GPATCH2: variants seen among roughly 807,000 people sequenced by gnomAD.
GPATCH2 encodes G-patch domain containing 2, also known as G patch domain-containing protein 2.
Under a neutral mutation model 58.0 loss-of-function variants are expected in GPATCH2, and 51 were observed. That is an observed-to-expected ratio of 0.88 (90% CI 0.70 to 1.11). GPATCH2 has a LOEUF of 1.11. Ranked by LOEUF, GPATCH2 falls within the 50% of genes most tolerant of loss-of-function variation. GPATCH2 has a pLI of 0.00. For synonymous variants in GPATCH2, 222 were observed against 218.5 expected (o/e 1.02, Z -0.14); for missense variants, 625 against 652.2 (o/e 0.96, Z 0.45).
intron 8 of GPATCH2, among the ~76,000 whole-genome samples, chr1:217,468,764 C>T (rs944673838): frequency 6.6e-6 from 1 of 150,862 alleles, no homozygotes; most frequent in African/African-American, 2.4e-5. Flanking sequence ...TTTTAAGAAG[C>T]TGTTACCTTT....
intron 7 of GPATCH2, chr1:217,492,582 T>C (rs947082095): frequency 2.0e-5 from 3 of 152,160 alleles, no homozygotes; most frequent in African/African-American, 7.2e-5. Context: ...TGGGTTCTAA[T>C]CCCAGCTGGG....
At chr1:217,601,415 AT>A (rs1285847004) in intron 5 of GPATCH2, among the ~76,000 whole-genome samples, 5 of 149,802 alleles carry the variant, frequency 3.3e-5, no homozygotes, top group African/African-American at 7.3e-5. Context: ...AATTAAAAAA[AT>A]AAACATAAAG....
intron 5 of GPATCH2, among the ~76,000 whole-genome samples, chr1:217,567,246 A>T (rs1043197915): frequency 1.3e-5 from 2 of 151,950 alleles, no homozygotes; most frequent in African/African-American, 2.4e-5. Flanking sequence ...GGGTTTCTCC[A>T]CGTTGGTCAG....
At chr1:217,442,938 C>T (rs1659214243) in intron 9 of GPATCH2, among the ~76,000 whole-genome samples, 2 of 152,034 alleles carry the variant, frequency 1.3e-5, no homozygotes, top group African/African-American at 4.8e-5. Context: ...GAATTTATTG[C>T]TTGCTTATAC....
intron 5 of GPATCH2, among the ~76,000 whole-genome samples, chr1:217,590,118 T>A (rs1345269492): frequency 6.6e-6 from 1 of 151,676 alleles, no homozygotes; most frequent in African/African-American, 2.4e-5. Flanking sequence ...CCCCCTGGGT[T>A]CAAGCAATTC....
At chr1:217,593,441 T>C (rs773792552) in intron 5 of GPATCH2, among the ~76,000 whole-genome samples, 14 of 152,036 alleles carry the variant, frequency 9.2e-5, no homozygotes, top group Admixed American at 1.3e-4. Flanking sequence ...AGAGTGCAAC[T>C]TTCAGTGATT....
At chr1:217,562,461 G>C (rs1262955479) in intron 5 of GPATCH2, among the ~76,000 whole-genome samples, 1 of 152,174 alleles carries the variant, frequency 6.6e-6, no homozygotes, top group African/African-American at 2.4e-5. Flanking sequence ...ATGGAACACA[G>C]TTGGAAAACT....
intron 8 of GPATCH2, among the ~76,000 whole-genome samples, chr1:217,484,556 T>TTTTA (rs367637025): frequency 8.7e-4 from 125 of 143,180 alleles, no homozygotes; most frequent in Non-Finnish European, 1.5e-3. Flanking sequence ...ATATAATTAT[T>TTTTA]TATATATATA....
Position 217,631,040 on chromosome 1 carries a change from C to T in GPATCH2, c.-69G>A, listed in dbSNP as rs995988819. ...CAGACTCCAACTACAACAGCACCGG[C>T]GACTTCCAAAGAGCAGTTCAGCATT... On this transcript the variant is annotated 5_prime_UTR_variant, in exon 1 of 10. Transcript: ENST00000366935. 14 of 1,422,122 alleles carry T rather than the reference C, an allele frequency of 9.8e-6. 1 individual carries two copies. The highest frequency in any genetic ancestry group is 8.5e-5 in the South Asian group (7 of 82,300). The allele number at this position is 1,422,122 out of a possible 1,614,324, so 88.1% of individuals were successfully genotyped here.
At chr1:217,438,950 TAGAC>T (rs1403738517) in intron 9 of GPATCH2, among the ~76,000 whole-genome samples, 1 of 152,102 alleles carries the variant, frequency 6.6e-6, no homozygotes, top group Admixed American at 6.5e-5. Flanking sequence ...CTGCCAATAT[TAGAC>T]AGAGCAACGA....
intron 5 of GPATCH2, among the ~76,000 whole-genome samples, chr1:217,520,138 CA>C (rs1663380339): frequency 1.3e-5 from 2 of 152,120 alleles, no homozygotes; most frequent in Non-Finnish European, 2.9e-5. Flanking sequence ...AAAATTGGTG[CA>C]TATGAAATAT....
chr1:217,581,827 T>C (rs11117888), intron 5 of GPATCH2, among the ~76,000 whole-genome samples: 38,565 of 151,954 alleles, frequency 0.25, 5,295 homozygotes, highest in East Asian at 0.52. Flanking sequence ...AATGGGCGCC[T>C]GTGATCCCAG....
chr1:217,482,685 C>T (rs1416415483), intron 8 of GPATCH2, among the ~76,000 whole-genome samples: 2 of 152,058 alleles, frequency 1.3e-5, no homozygotes, highest in African/African-American at 4.8e-5. Context: ...AAGAGAAAGC[C>T]ACTAAAGATT....
At chr1:217,501,929 T>C (rs1424249065) in intron 6 of GPATCH2, among the ~76,000 whole-genome samples, 1 of 152,152 alleles carries the variant, frequency 6.6e-6, no homozygotes, top group East Asian at 1.9e-4. Flanking sequence ...AAAGGAAATT[T>C]TCCAGAACAC....
chr1:217,439,696 C>T (rs569367661), intron 9 of GPATCH2, among the ~76,000 whole-genome samples: 1 of 152,152 alleles, frequency 6.6e-6, no homozygotes, highest in East Asian at 1.9e-4. Flanking sequence ...ACCACTGATC[C>T]CACAGATATA....
intron 5 of GPATCH2, among the ~76,000 whole-genome samples, chr1:217,515,658 C>T (rs890178486): frequency 7.3e-5 from 11 of 151,580 alleles, no homozygotes; most frequent in Non-Finnish European, 1.3e-4. Flanking sequence ...CAGTGGACTG[C>T]GAGGTTGTCA....
intron 5 of GPATCH2, among the ~76,000 whole-genome samples, chr1:217,538,752 A>T (rs936230660): frequency 6.6e-5 from 10 of 152,158 alleles, no homozygotes; most frequent in African/African-American, 1.9e-4. Context: ...ACGCTTTTTT[A>T]AATATATACA....
intron 5 of GPATCH2, among the ~76,000 whole-genome samples, chr1:217,572,041 G>A (rs1327245921): frequency 6.6e-6 from 1 of 151,272 alleles, no homozygotes; most frequent in Non-Finnish European, 1.5e-5. Context: ...AGGGAGGGAG[G>A]GAGGGAGAGG....
At chr1:217,489,488 T>C (rs1661615894) in intron 8 of GPATCH2, among the ~76,000 whole-genome samples, 1 of 152,236 alleles carries the variant, frequency 6.6e-6, no homozygotes, top group Non-Finnish European at 1.5e-5. Flanking sequence ...TAACACGCTA[T>C]TGCTGTCCAT....
Sources: allele counts gnomAD v4.1 joint callset (sites outside exome capture counted in the v4.1 genomes callset), GRCh38; gene constraint gnomAD v4.1.1; transcripts MANE v1.5; gene names NCBI Gene and HGNC (gene_info 2026-07-23, HGNC 2026-07-21).